CPQ: variants seen among roughly 807,000 people sequenced by gnomAD.
The protein encoded by CPQ is carboxypeptidase Q, also known as Ser-Met dipeptidase.
Under a neutral mutation model 45.7 loss-of-function variants are expected in CPQ, and 37 were observed. The ratio of observed to expected loss-of-function variants is 0.81; its 90% CI spans 0.62 to 1.07. CPQ has a LOEUF of 1.07. CPQ is among the 50% of genes least tolerant of loss of function. The probability of loss-of-function intolerance (pLI) is 0.00; values close to 1 mark genes in which losing one functional copy is unlikely to be tolerated. For synonymous variants in CPQ, 186 were observed against 205.8 expected, an observed-to-expected ratio of 0.90 and a Z score of 0.82; for missense variants, 537 against 572.9, an observed-to-expected ratio of 0.94 and a Z score of 0.64.
At chr8:97,079,709 G>A (rs1171782513) in intron 7 of CPQ, among the ~76,000 whole-genome samples, 1 of 152,120 alleles carries the variant, frequency 6.6e-6, no homozygotes, top group Non-Finnish European at 1.5e-5. Flanking sequence ...AACTGCCGGG[G>A]CCTCACAAAG....
intron 3 of CPQ, among the ~76,000 whole-genome samples, chr8:96,871,725 C>T (rs1563517540): frequency 1.3e-5 from 2 of 151,672 alleles, no homozygotes; most frequent in South Asian, 2.1e-4. Context: ...CCTGTGTGTA[C>T]TGTGTTCAGT....
At chr8:96,812,724 C>T (rs967963897) in intron 2 of CPQ, among the ~76,000 whole-genome samples, 2 of 151,948 alleles carry the variant, frequency 1.3e-5, no homozygotes, top group African/African-American at 4.8e-5. Context: ...GCAGGCTTCA[C>T]GTGGGAGGAA....
chr8:96,762,550 C>A (rs969064190), intron 1 of CPQ, among the ~76,000 whole-genome samples: 6 of 152,118 alleles, frequency 3.9e-5, no homozygotes, highest in African/African-American at 1.4e-4. Context: ...GTGGCACATT[C>A]TGTAGAGATA....
In CPQ at chr8:96,712,512, C is replaced by T. The variant is rs188723638; in HGVS notation, c.-35+67110C>T. Among the ~76,000 whole-genome samples the T allele has an allele frequency of 1.7e-3, 264 of 152,340 alleles. 3 individuals are homozygous for T. The highest frequency in any genetic ancestry group is 0.014 in the South Asian group (69 of 4,832). ...CCTCTGAAATCTAGGCAGAGCTTCC[C>T]AAACCCCAGTTCTTGACTTCTGTGC... On this transcript the variant is annotated intron_variant, in intron 1 of 7. Transcript: ENST00000220763.
At chr8:96,959,648 C>T (rs1813417774) in intron 4 of CPQ, among the ~76,000 whole-genome samples, 1 of 152,058 alleles carries the variant, frequency 6.6e-6, no homozygotes, top group Non-Finnish European at 1.5e-5. Flanking sequence ...TTAGGTCACT[C>T]CTTGGCCTCT....
intron 1 of CPQ, among the ~76,000 whole-genome samples, chr8:96,709,022 T>G (rs1809571840): frequency 6.6e-6 from 1 of 152,168 alleles, no homozygotes; most frequent in South Asian, 2.1e-4. Flanking sequence ...GATTCTCATT[T>G]GTTTATGAAT....
At chr8:96,834,684 TA>T (rs1221813169) in intron 2 of CPQ, among the ~76,000 whole-genome samples, 3 of 152,154 alleles carry the variant, frequency 2.0e-5, no homozygotes, top group Admixed American at 2.0e-4. Flanking sequence ...GGGAAAGAAT[TA>T]AAAAAGAAGC....
rs201871437 is a variant in CPQ at position 96,757,916 on chromosome 8, AT to A, written c.-34-26942del. Reference sequence around the variant, plus strand: ...TATTAACAAAAATAATAGGTGAATTATTTTTTGCTTCACTTGCCGTTCACAC... The same window carrying A: ...TATTAACAAAAATAATAGGTGAATTATTTTTGCTTCACTTGCCGTTCACAC... On this transcript the variant is annotated intron_variant, in intron 1 of 7. Transcript: ENST00000220763. Among the ~76,000 whole-genome samples, 226 of 152,166 alleles carry A rather than the reference AT, an allele frequency of 1.5e-3. 6 individuals carry two copies. The East Asian group carries it at 0.04, about 27-fold the overall frequency.
chr8:96,772,627 G>A (rs1371614726), intron 1 of CPQ, among the ~76,000 whole-genome samples: 2 of 152,166 alleles, frequency 1.3e-5, no homozygotes, highest in Non-Finnish European at 2.9e-5. Flanking sequence ...CCCTGCAGGA[G>A]AGATTAAGAA....
At chr8:97,093,938 A>G (rs1469463121) in intron 7 of CPQ, among the ~76,000 whole-genome samples, 5 of 152,206 alleles carry the variant, frequency 3.3e-5, no homozygotes, top group Admixed American at 3.3e-4. Flanking sequence ...TCACTGAATT[A>G]GTATTTATTG....
At position 97,049,469 on chromosome 8, in the gene CPQ, A is replaced by G. The variant is rs184726868; in HGVS notation, c.1054-16540A>G. On this transcript the variant is annotated intron_variant, in intron 6 of 7. Coordinates refer to ENST00000220763, the MANE Select transcript of CPQ (RefSeq NM_016134.4). ...ATAAACTTACTTTTATTTTTAAAATACAACCACCATTAACAGCTCCCCAGT... is the reference window on the plus strand; with the variant it reads ...ATAAACTTACTTTTATTTTTAAAATGCAACCACCATTAACAGCTCCCCAGT... Among the ~76,000 whole-genome samples, 23 of 152,328 alleles carry G rather than the reference A, an allele frequency of 1.5e-4. 1 individual carries two copies. The East Asian group carries it at 1.5e-3, about 10-fold the overall frequency.
chr8:97,103,275 C>T (rs1811347927), intron 7 of CPQ, among the ~76,000 whole-genome samples: 1 of 152,188 alleles, frequency 6.6e-6, no homozygotes, highest in African/African-American at 2.4e-5. Flanking sequence ...TTCAACTTAA[C>T]CACATTGACT....
At chr8:96,913,045 A>T (rs768079242) in intron 4 of CPQ, among the ~76,000 whole-genome samples, 1 of 152,132 alleles carries the variant, frequency 6.6e-6, no homozygotes, top group Non-Finnish European at 1.5e-5. Context: ...AGCACCTGTC[A>T]ACCAACATCC....
intron 1 of CPQ, among the ~76,000 whole-genome samples, chr8:96,648,365 G>A (rs1815540640): frequency 6.6e-6 from 1 of 152,084 alleles, no homozygotes; most frequent in African/African-American, 2.4e-5. Flanking sequence ...GCTTTAAAAT[G>A]TACTTTCTTC....
chr8:96,902,025 G>T (rs1217019559), intron 4 of CPQ, among the ~76,000 whole-genome samples: 1 of 152,070 alleles, frequency 6.6e-6, no homozygotes, highest in African/African-American at 2.4e-5. Flanking sequence ...GGACTGAGAG[G>T]TTGGTGGCAA....
intron 4 of CPQ, among the ~76,000 whole-genome samples, chr8:96,885,990 A>G (rs897439089): frequency 1.3e-5 from 2 of 149,036 alleles, no homozygotes; most frequent in African/African-American, 4.9e-5. Flanking sequence ...GAAAAAAAAA[A>G]GCCAATAATG....
At chr8:96,905,636 T>G (rs1812565840) in intron 4 of CPQ, among the ~76,000 whole-genome samples, 1 of 152,070 alleles carries the variant, frequency 6.6e-6, no homozygotes, top group African/African-American at 2.4e-5. Context: ...AAACAAGGCT[T>G]TCTCCCAGCT....
chr8:97,087,949 C>A (rs1235553012), intron 7 of CPQ, among the ~76,000 whole-genome samples: 3 of 151,852 alleles, frequency 2.0e-5, no homozygotes, highest in African/African-American at 7.3e-5. Flanking sequence ...GTGTAGGTAT[C>A]CAATATTATA....
chr8:96,765,576 A>G (rs1162115597), intron 1 of CPQ, among the ~76,000 whole-genome samples: 2 of 152,144 alleles, frequency 1.3e-5, no homozygotes, highest in Admixed American at 1.3e-4. Context: ...AGCTAATACC[A>G]CGATGCTGTA....
Sources: gnomAD v4.1 joint callset for allele counts (sites outside exome capture counted in the v4.1 genomes callset) on GRCh38, gnomAD v4.1.1 for gene constraint, MANE v1.5 for transcripts, NCBI Gene and HGNC (gene_info 2026-07-23, HGNC 2026-07-21) for gene names.